The following MAGI2 variants were observed in gnomAD, a reference collection of about 807,000 sequenced individuals.
MAGI2 encodes membrane associated guanylate kinase, WW and PDZ domain containing 2, also known as membrane-associated guanylate kinase, WW and PDZ domain-containing protein 2.
MAGI2 carries 35 observed loss-of-function variants against 133.3 expected under a neutral mutation model. The observed-to-expected ratio is 0.26, with a 90% CI of 0.20 to 0.35. The LOEUF (loss-of-function observed/expected upper bound fraction) is 0.35. Among genes scored for constraint, MAGI2 ranks in the 10% least tolerant of loss-of-function variants. MAGI2 has a pLI of 1.00. For missense variants in MAGI2, 1,636 were observed against 1,863.4 expected, an observed-to-expected ratio of 0.88 and a Z score of 2.25; for synonymous variants, 729 against 710.6, an observed-to-expected ratio of 1.03 and a Z score of -0.41.
chr7:79,045,502 C>G (rs1162009932), intron 1 of MAGI2, among the ~76,000 whole-genome samples: 1 of 152,138 alleles, frequency 6.6e-6, no homozygotes, highest in African/African-American at 2.4e-5. Context: ...TAAGATCTAT[C>G]CAAGTTGTAG....
chr7:78,732,891 G>T (rs1396483251), intron 2 of MAGI2, among the ~76,000 whole-genome samples: 1 of 152,128 alleles, frequency 6.6e-6, no homozygotes, highest in Non-Finnish European at 1.5e-5. Flanking sequence ...AAACTGGACT[G>T]CTGGAGCAGA....
chr7:78,403,549 G>A (rs1041682145), intron 6 of MAGI2, among the ~76,000 whole-genome samples: 2 of 152,094 alleles, frequency 1.3e-5, no homozygotes, highest in African/African-American at 4.8e-5. Flanking sequence ...GGTATTTCTA[G>A]GTCTAGATCC....
chr7:78,066,227 C>T (rs1052972363), intron 21 of MAGI2, among the ~76,000 whole-genome samples: 44 of 152,078 alleles, frequency 2.9e-4, no homozygotes, highest in African/African-American at 9.4e-4. Flanking sequence ...TCTGGGAGGC[C>T]GAGGTGGGCG....
chr7:79,424,927 C>T (rs1424106076), intron 1 of MAGI2, among the ~76,000 whole-genome samples: 1 of 151,838 alleles, frequency 6.6e-6, no homozygotes, highest in African/African-American at 2.4e-5. Flanking sequence ...TTTAAGCCTC[C>T]AAAAATAAAG....
chr7:78,232,138 A>G (rs1198420203), intron 10 of MAGI2, among the ~76,000 whole-genome samples: 2 of 152,194 alleles, frequency 1.3e-5, no homozygotes, highest in Non-Finnish European at 2.9e-5. Flanking sequence ...TTCAAACAAA[A>G]TTGGCAGGCA....
rs990099673 is a variant in MAGI2 at position 78,521,810 on chromosome 7, A to C, written c.539-165T>G. On this transcript the variant is annotated intron_variant, in intron 3 of 21. Transcript: ENST00000354212. Reference sequence around the variant, plus strand: ...GTTTTCTATCTATGTGTCTCTCTATATATATACATATTTATTTGTTCCTTC... The same window carrying C: ...GTTTTCTATCTATGTGTCTCTCTATCTATATACATATTTATTTGTTCCTTC... 7.9e-5 allele frequency among the ~76,000 whole-genome samples: 12 copies of C among 152,172 alleles called. No homozygotes were observed. The East Asian group carries it at 1.9e-3, about 25-fold the overall frequency.
At chr7:78,207,940 G>C (rs1316659077) in intron 10 of MAGI2, among the ~76,000 whole-genome samples, 1 of 151,922 alleles carries the variant, frequency 6.6e-6, no homozygotes. Context: ...GCCTGATCTC[G>C]GCTCACTGTA....
chr7:79,402,673 G>C (rs762076063), intron 1 of MAGI2, among the ~76,000 whole-genome samples: 2 of 152,044 alleles, frequency 1.3e-5, no homozygotes, highest in Admixed American at 1.3e-4. Flanking sequence ...ATTTAAAAAT[G>C]TTTTCAGGCT....
chr7:78,852,878 G>T (rs1793262830), intron 2 of MAGI2, among the ~76,000 whole-genome samples: 1 of 152,116 alleles, frequency 6.6e-6, no homozygotes, highest in Non-Finnish European at 1.5e-5. Context: ...CAAGAAAATG[G>T]AGAGGTCCAG....
intron 20 of MAGI2, among the ~76,000 whole-genome samples, chr7:78,124,838 A>T (rs1359833152): frequency 6.7e-6 from 1 of 150,226 alleles, no homozygotes; most frequent in Non-Finnish European, 1.5e-5. Context: ...CTTAACTTTA[A>T]TTGGAAAATT....
chr7:79,266,714 G>A (rs992277946), intron 1 of MAGI2, among the ~76,000 whole-genome samples: 2 of 152,038 alleles, frequency 1.3e-5, no homozygotes, highest in African/African-American at 4.8e-5. Context: ...CCATACTCGG[G>A]AAACTTTTTA....
chr7:78,197,020 A>G (rs1242592559), intron 11 of MAGI2, among the ~76,000 whole-genome samples: 1 of 152,232 alleles, frequency 6.6e-6, no homozygotes, highest in Non-Finnish European at 1.5e-5. Context: ...ACTGGGGGGA[A>G]TAACTGTTAA....
chr7:78,426,908 A>G (rs2151421795), intron 6 of MAGI2, among the ~76,000 whole-genome samples: 1 of 152,304 alleles, frequency 6.6e-6, no homozygotes, highest in East Asian at 1.9e-4. Context: ...TACAAATAAA[A>G]ACAGACAAAT....
intron 1 of MAGI2, among the ~76,000 whole-genome samples, chr7:79,304,633 T>C (rs1421131655): frequency 1.3e-5 from 2 of 152,208 alleles, no homozygotes; most frequent in African/African-American, 2.4e-5. Context: ...TTCTGGTTTC[T>C]AAGGCTAAAA....
chr7:78,184,407 A>C (rs541260386), intron 13 of MAGI2: 1 of 152,204 alleles, frequency 6.6e-6, no homozygotes, highest in Admixed American at 6.5e-5. Flanking sequence ...ATATCCCCCC[A>C]AAAATGACAT....
chr7:79,157,941 A>AGTGAGTGAGTGTGT (rs1302532517), intron 1 of MAGI2, among the ~76,000 whole-genome samples: 111 of 134,966 alleles, frequency 8.2e-4, no homozygotes, highest in African/African-American at 3.5e-3. Flanking sequence ...TCTTTGTGTG[A>AGTGAGTGAGTGTGT]GTGTGTGTGT....
At chr7:78,669,658 T>C (rs1277606393) in intron 2 of MAGI2, among the ~76,000 whole-genome samples, 1 of 152,126 alleles carries the variant, frequency 6.6e-6, no homozygotes, top group Non-Finnish European at 1.5e-5. Context: ...TGAATATTGA[T>C]GCAAAAATCC....
At position 78,837,723 on chromosome 7, in the gene MAGI2, T is replaced by C. The variant is rs187614209; in HGVS notation, c.418+169367A>G. On this transcript the variant is annotated intron_variant, in intron 2 of 21. Coordinates refer to ENST00000354212, the MANE Select transcript of MAGI2 (RefSeq NM_012301.4). The stretch of plus-strand genomic sequence containing the variant: ...CTTAAATTTTATCAATGGATTTAAG[T>C]TACAAAGGAAATTCCAACTACAGTT... 1.0e-3 allele frequency among the ~76,000 whole-genome samples: 152 copies of C among 152,274 alleles called. 3 individuals are homozygous for C. Among genetic ancestry groups the C allele is most frequent in the Non-Finnish European group, 1.9e-4 (13 of 67,992 alleles).
At chr7:78,374,089 G>T (rs1431877324) in intron 6 of MAGI2, among the ~76,000 whole-genome samples, 2 of 152,136 alleles carry the variant, frequency 1.3e-5, no homozygotes, top group East Asian at 1.9e-4. Flanking sequence ...TTGGTAAAAT[G>T]ATTTGTTTTC....
Sources: allele counts gnomAD v4.1 joint callset (sites outside exome capture counted in the v4.1 genomes callset), GRCh38; gene constraint gnomAD v4.1.1; transcripts MANE v1.5; gene names NCBI Gene and HGNC (gene_info 2026-07-23, HGNC 2026-07-21).